Variants in DMXL1 observed in about 807,000 individuals in gnomAD.
DMXL1 encodes the protein dmX-like protein 1.
A neutral mutation model predicts 319.2 loss-of-function variants in DMXL1; 99 were observed. The observed-to-expected ratio is 0.31, with a 90% CI of 0.26 to 0.37. The LOEUF (loss-of-function observed/expected upper bound fraction) is 0.37. DMXL1 is among the 10% of genes least tolerant of loss of function. The pLI, the probability that DMXL1 is intolerant of heterozygous loss-of-function variation, is 1.00. For synonymous variants in DMXL1, 1,385 were observed against 1,235.2 expected, an observed-to-expected ratio of 1.12 and a Z score of -2.54; for missense variants, 3,745 against 3,595.6, an observed-to-expected ratio of 1.04 and a Z score of -1.06.
chr5:119,197,662 A>G (rs998104885), intron 31 of DMXL1, 93 bp from the exon 32 acceptor site: 1 of 1,144,802 alleles, frequency 8.7e-7, no homozygotes, highest in Admixed American at 2.1e-5. Flanking sequence ...TTTTTCCTGC[A>G]TCTGCTCTCC....
intron 7 of DMXL1, among the ~76,000 whole-genome samples, chr5:119,117,486 AGAGAGT>A (rs1761104073): frequency 6.6e-6 from 1 of 152,218 alleles, no homozygotes; most frequent in Admixed American, 6.5e-5. Flanking sequence ...GATAGAGAAA[AGAGAGT>A]GAGAAAAAAT....
intron 10 of DMXL1, chr5:119,132,637 A>G (rs1283820434): frequency 2.3e-5 from 9 of 384,256 alleles, no homozygotes; most frequent in Non-Finnish European, 3.5e-5. Flanking sequence ...AGATCACGCC[A>G]CTGTACTCCA....
At chr5:119,234,604 C>G (rs1353655348) in intron 39 of DMXL1, among the ~76,000 whole-genome samples, 3 of 152,136 alleles carry the variant, frequency 2.0e-5, no homozygotes, top group African/African-American at 7.2e-5. Flanking sequence ...ACATTCTTAG[C>G]TCCTTAGTGG....
In DMXL1 at chr5:119,071,670, G is replaced by C; in HGVS notation, c.87+14G>C. ...CAGCGCTTCACGGTGAGTGAGGGAG[G>C]CCCTCGCGTCGCCCGTGGCCCGGCC... On this transcript the variant is annotated intron_variant, in intron 1 of 43. Transcript: ENST00000539542. 6.4e-7 allele frequency: 1 copy of C among 1,573,914 alleles called. No individual in the cohort carries two copies. Among genetic ancestry groups the C allele is most frequent in the Non-Finnish European group, 8.6e-7 (1 of 1,160,298 alleles).
chr5:119,236,723 A>G (rs1033349753), intron 39 of DMXL1: 3 of 151,974 alleles, frequency 2.0e-5, no homozygotes, highest in Admixed American at 1.3e-4. Flanking sequence ...TTTATTTTAT[A>G]TACTTTATAA....
At chr5:119,160,164 C>T (rs558131049) in intron 19 of DMXL1, among the ~76,000 whole-genome samples, 4 of 152,060 alleles carry the variant, frequency 2.6e-5, no homozygotes, top group Non-Finnish European at 2.9e-5. Context: ...TGGGGGGAGG[C>T]ACTGAATGCT....
chr5:119,148,315 C>G (rs565448100), intron 17 of DMXL1, among the ~76,000 whole-genome samples: 1 of 151,988 alleles, frequency 6.6e-6, no homozygotes, highest in Non-Finnish European at 1.5e-5. Flanking sequence ...TGCATTGATA[C>G]CTTTAAAATT....
chr5:119,075,901 T>C (rs1292176633), intron 1 of DMXL1, among the ~76,000 whole-genome samples: 1 of 152,182 alleles, frequency 6.6e-6, no homozygotes, highest in Non-Finnish European at 1.5e-5. Flanking sequence ...GTATTCTGTT[T>C]ATAAAAGGCA....
At chr5:119,088,188 A>G (rs1010352950) in intron 1 of DMXL1, among the ~76,000 whole-genome samples, 2 of 152,198 alleles carry the variant, frequency 1.3e-5, no homozygotes, top group African/African-American at 4.8e-5. Flanking sequence ...TGACTGCTTT[A>G]TCGTTATATA....
intron 37 of DMXL1, among the ~76,000 whole-genome samples, chr5:119,224,042 C>T (rs923460628): frequency 6.6e-6 from 1 of 151,588 alleles, no homozygotes; most frequent in African/African-American, 2.4e-5. Flanking sequence ...TTTTATTTAT[C>T]CCTCTTCTTT....
Position 119,133,681 on chromosome 5 carries a change from A to C in DMXL1, c.1757A>C (p.Asn586Thr), listed in dbSNP as rs756745594. ...TCTTCTGGTCACAATAAATCATCTA[A>C]TAGTTTAAAATTAAGTATTTTTACG... ...LISSGHNKSSNSLKLSIFTPN... is the reference protein window; with the variant it reads ...LISSGHNKSSTSLKLSIFTPN... Residue 586 changes from asparagine to threonine, a missense_variant, in exon 12 of 44, where the codon AAT becomes ACT. Asn to Thr is a moderately conservative substitution (Grantham distance 65). This residue lies in a region of DMXL1 where 2,096 missense variants were observed against 1,985.4 expected (regional missense o/e 1.06). Coordinates refer to ENST00000539542, the MANE Select transcript of DMXL1 (RefSeq NM_001290321.3). The C allele has an allele frequency of 5.0e-6, 8 of 1,614,192 alleles. No homozygotes were observed. The highest frequency in any genetic ancestry group is 6.8e-6 in the Non-Finnish European group (8 of 1,180,022).
At chr5:119,083,218 G>A in intron 1 of DMXL1, among the ~76,000 whole-genome samples, 1 of 152,036 alleles carries the variant, frequency 6.6e-6, no homozygotes, top group East Asian at 1.9e-4. Context: ...GTAGAGATGG[G>A]TTTCGCCATG....
chr5:119,123,846 A>G (rs900535424), intron 9 of DMXL1, among the ~76,000 whole-genome samples: 4 of 14,184 alleles, frequency 2.8e-4, no homozygotes, highest in Non-Finnish European at 4.4e-4. Context: ...AAAATTGTTT[A>G]CACTCCTTGA....
At position 119,177,850 on chromosome 5, in the gene DMXL1, C is replaced by T. The variant is rs1447893326; in HGVS notation, c.6887-146C>T. The stretch of plus-strand genomic sequence containing the variant: ...CTCATTTGTGCTTAACTATAATAAC[C>T]GCTACTAGTCTGTGAATCTAGGGAA... On this transcript the variant is annotated intron_variant, in intron 27 of 43. Transcript: ENST00000539542. 1.1e-5 allele frequency: 7 copies of T among 628,902 alleles called. No individual in the cohort carries two copies. The South Asian group carries it at 1.4e-4, about 13-fold the overall frequency. 39.0% of individuals were successfully genotyped at this position (628,902 alleles called of 1,614,324 possible).
chr5:119,183,123 A>G lies in DMXL1; in HGVS notation c.7135+4879A>G, dbSNP rs950375217. Among the ~76,000 whole-genome samples, 7 of 152,264 alleles carry G rather than the reference A, an allele frequency of 4.6e-5. No homozygotes were observed. In the East Asian group the frequency reaches 1.2e-3, roughly 25 times the overall value. On this transcript the variant is annotated intron_variant, in intron 28 of 43. Transcript: ENST00000539542. ...GTAAGCATGTCATATATTTTTTACT[A>G]TGAGATTGCTAATGATATTCTAGAC...
intron 5 of DMXL1, among the ~76,000 whole-genome samples, chr5:119,110,990 T>C (rs915558842): frequency 2.0e-5 from 3 of 152,212 alleles, no homozygotes; most frequent in Non-Finnish European, 2.9e-5. Flanking sequence ...GGTTTCACCA[T>C]GTTGGCCAGG....
At chr5:119,074,758 C>G (rs1040634977) in intron 1 of DMXL1, among the ~76,000 whole-genome samples, 1 of 152,210 alleles carries the variant, frequency 6.6e-6, no homozygotes, top group Non-Finnish European at 1.5e-5. Flanking sequence ...ATTAACCAGT[C>G]TTGCCTTGTG....
intron 10 of DMXL1, 97 bp downstream of exon 10, chr5:119,129,520 G>A (rs4529225): frequency 0.99 from 808,924 of 814,322 alleles, 401,799 homozygotes; most frequent in East Asian, 1. Context: ...AAACTTTAAA[G>A]TTGCAATGAC....
chr5:119,083,416 T>C (rs548399979), intron 1 of DMXL1, among the ~76,000 whole-genome samples: 4 of 152,288 alleles, frequency 2.6e-5, no homozygotes, highest in East Asian at 1.9e-4. Context: ...GATTTTATTA[T>C]CTTGGGTACT....
Sources: gnomAD v4.1 joint callset for allele counts (sites outside exome capture counted in the v4.1 genomes callset) on GRCh38, gnomAD v4.1.1 for gene constraint, gnomAD v4.1.1 regional missense constraint, MANE v1.5 for transcripts, NCBI Gene and HGNC (gene_info 2026-07-23, HGNC 2026-07-21) for gene names.